CTNND2: variants seen among roughly 807,000 people sequenced by gnomAD.
CTNND2 encodes the protein catenin delta 2.
In CTNND2, 22 loss-of-function variants were observed where a neutral mutation model predicts 144.4. The ratio of observed to expected loss-of-function variants is 0.15; its 90% CI spans 0.11 to 0.22. CTNND2 has a LOEUF of 0.22. Ranked by LOEUF, CTNND2 falls within the 10% of genes least tolerant of loss-of-function variation. The pLI is 1.00. For synonymous variants in CTNND2, 751 were observed against 695.6 expected, an observed-to-expected ratio of 1.08 and a Z score of -1.25; for missense variants, 1,353 against 1,618.8, an observed-to-expected ratio of 0.84 and a Z score of 2.82.
At chr5:11,502,108 C>T (rs1216379664) in intron 3 of CTNND2, among the ~76,000 whole-genome samples, 1 of 150,910 alleles carries the variant, frequency 6.6e-6, no homozygotes, top group Middle Eastern at 3.2e-3. Flanking sequence ...AGGCAGCTGT[C>T]TATAAACCAG....
chr5:11,330,671 A>G (rs1449922211), intron 9 of CTNND2, among the ~76,000 whole-genome samples: 1 of 151,598 alleles, frequency 6.6e-6, no homozygotes, highest in Admixed American at 6.6e-5. Flanking sequence ...TCTCTACTAA[A>G]AATGCAAAAT....
intron 2 of CTNND2, among the ~76,000 whole-genome samples, chr5:11,670,883 C>A (rs1012028629): frequency 1.3e-5 from 2 of 152,240 alleles, no homozygotes; most frequent in South Asian, 4.1e-4. Context: ...ATGGTCTTTA[C>A]AATTTGGTAT....
At chr5:11,763,746 A>C (rs1360935061) in intron 1 of CTNND2, among the ~76,000 whole-genome samples, 3 of 152,196 alleles carry the variant, frequency 2.0e-5, no homozygotes, top group Non-Finnish European at 4.4e-5. Flanking sequence ...AAAATGGATG[A>C]TATGAGCTTC....
chr5:11,837,810 C>T (rs1794259888), intron 1 of CTNND2, among the ~76,000 whole-genome samples: 1 of 152,064 alleles, frequency 6.6e-6, no homozygotes, highest in Admixed American at 6.6e-5. Context: ...TGATAATGTG[C>T]ACAAGTTTGG....
In CTNND2 at chr5:11,348,437, CAAAAAAAAAAAA is replaced by C. The variant is rs3034056; in HGVS notation, c.1373-1822_1373-1811del. On this transcript the variant is annotated intron_variant, in intron 8 of 21. Coordinates refer to ENST00000304623, the MANE Select transcript of CTNND2 (RefSeq NM_001332.4). Reference sequence around the variant, plus strand: ...GATAAGCTAGCCAGAAAATCAAGGGCAAAAAAAAAAAAAAAAAAAGAAAAAAGAAAACTAAGT... The same window carrying C: ...GATAAGCTAGCCAGAAAATCAAGGGCAAAAAAAGAAAAAAGAAAACTAAGT... 3.5e-3 allele frequency among the ~76,000 whole-genome samples: 396 copies of C among 114,728 alleles called. 2 individuals are homozygous for C. Among genetic ancestry groups the C allele is most frequent in the Admixed American group, 9.4e-3 (102 of 10,818 alleles). 75.3% of individuals were successfully genotyped at this position (114,728 alleles called of 152,430 possible).
chr5:10,996,511 G>A (rs1035667331), intron 18 of CTNND2, among the ~76,000 whole-genome samples: 2 of 152,108 alleles, frequency 1.3e-5, no homozygotes, highest in Non-Finnish European at 2.9e-5. Context: ...AGCCCTCGAG[G>A]AGGGGGCTCG....
chr5:11,166,787 C>T (rs13362481), intron 11 of CTNND2, among the ~76,000 whole-genome samples: 42,887 of 151,930 alleles, frequency 0.28, 6,209 homozygotes, highest in Non-Finnish European at 0.31. Flanking sequence ...TGCATATAAA[C>T]TCTCAATATG....
intron 1 of CTNND2, among the ~76,000 whole-genome samples, chr5:11,846,270 A>G (rs1444674448): frequency 1.3e-5 from 2 of 152,166 alleles, no homozygotes; most frequent in Non-Finnish European, 2.9e-5. Flanking sequence ...CAGTTTGAGA[A>G]AAATGCAAGT....
At chr5:11,490,402 T>C (rs941353625) in intron 3 of CTNND2, among the ~76,000 whole-genome samples, 1 of 152,228 alleles carries the variant, frequency 6.6e-6, no homozygotes, top group African/African-American at 2.4e-5. Context: ...ATTTATTTCA[T>C]AGCTTTTGAA....
chr5:11,597,134 A>G (rs548359338), intron 2 of CTNND2, among the ~76,000 whole-genome samples: 2 of 152,310 alleles, frequency 1.3e-5, no homozygotes, highest in African/African-American at 4.8e-5. Context: ...GTGACTTATC[A>G]TTTGTAGAAA....
At chr5:11,250,404 G>A (rs2149929868) in intron 9 of CTNND2, among the ~76,000 whole-genome samples, 1 of 149,536 alleles carries the variant, frequency 6.7e-6, no homozygotes, top group African/African-American at 2.5e-5. Context: ...TAAGTAGAAT[G>A]TGTGTAATTA....
chr5:11,701,592 T>C (rs1259863252), intron 2 of CTNND2, among the ~76,000 whole-genome samples: 1 of 152,114 alleles, frequency 6.6e-6, no homozygotes, highest in Non-Finnish European at 1.5e-5. Flanking sequence ...GAGGACACAA[T>C]TTTACCCACT....
At chr5:11,172,193 A>T (rs1218968707) in intron 11 of CTNND2, among the ~76,000 whole-genome samples, 1 of 152,026 alleles carries the variant, frequency 6.6e-6, no homozygotes, top group South Asian at 2.1e-4. Flanking sequence ...CTACCTAAGA[A>T]TTTTTTTTAA....
chr5:11,714,912 CAA>C (rs1281707875), intron 2 of CTNND2, among the ~76,000 whole-genome samples: 4 of 94,796 alleles, frequency 4.2e-5, no homozygotes, highest in Admixed American at 1.2e-4. Context: ...TATTCCGTCT[CAA>C]AAAAAAAAAA....
chr5:11,163,221 C>A (rs1205354149), intron 11 of CTNND2, among the ~76,000 whole-genome samples: 1 of 152,186 alleles, frequency 6.6e-6, no homozygotes, highest in Non-Finnish European at 1.5e-5. Context: ...GGCTTTGTGG[C>A]TCCCTCCAAA....
chr5:11,369,040 A>G (rs1034195566), intron 7 of CTNND2, among the ~76,000 whole-genome samples: 1 of 152,242 alleles, frequency 6.6e-6, no homozygotes, highest in Non-Finnish European at 1.5e-5. Flanking sequence ...TAAACTATCC[A>G]AATTTCAAAA....
At chr5:11,117,130 A>G (rs1753628611) in intron 13 of CTNND2, among the ~76,000 whole-genome samples, 1 of 144,326 alleles carries the variant, frequency 6.9e-6, no homozygotes, top group Non-Finnish European at 1.5e-5. Flanking sequence ...AAAGTGGATT[A>G]CATTAAAAAA....
At chr5:11,107,124 A>C (rs753929793) in intron 14 of CTNND2, among the ~76,000 whole-genome samples, 1 of 152,216 alleles carries the variant, frequency 6.6e-6, no homozygotes, top group Non-Finnish European at 1.5e-5. Context: ...AACATCTGAA[A>C]GGATATATGC....
At chr5:11,262,748 T>A (rs1195579193) in intron 9 of CTNND2, among the ~76,000 whole-genome samples, 2 of 83,302 alleles carry the variant, frequency 2.4e-5, no homozygotes, top group Non-Finnish European at 4.4e-5. Context: ...GGTGACAGAG[T>A]AAGACTCTGT....
Sources: allele counts gnomAD v4.1 joint callset (sites outside exome capture counted in the v4.1 genomes callset), GRCh38; gene constraint gnomAD v4.1.1; transcripts MANE v1.5; gene names NCBI Gene and HGNC (gene_info 2026-07-23, HGNC 2026-07-21).